MROH9: variants seen among roughly 807,000 people sequenced by gnomAD.
MROH9 encodes maestro heat-like repeat-containing protein family member 9.
MROH9 carries 92 observed loss-of-function variants against 98.2 expected under a neutral mutation model. The observed-to-expected ratio is 0.94, with a 90% confidence interval of 0.79 to 1.11. The LOEUF (loss-of-function observed/expected upper bound fraction) is 1.11, where lower values mean the gene tolerates loss of function less well. MROH9 is among the 50% of genes most tolerant of loss of function. MROH9 has a pLI of 0.00. For missense variants in MROH9, 1,057 were observed against 1,014.8 expected (o/e 1.04, Z -0.57); for synonymous variants, 397 against 368.9 (o/e 1.08, Z -0.87).
At chr1:171,026,227 A>C (rs1026105731) in intron 20 of MROH9, among the ~76,000 whole-genome samples, 3 of 150,392 alleles carry the variant, frequency 2.0e-5, no homozygotes, top group Non-Finnish European at 3.0e-5. Flanking sequence ...ACACACACAC[A>C]CCCTCACAAA....
At chr1:171,015,028 C>T (rs746505958) in intron 16 of MROH9, 13 of 471,694 alleles carry the variant, frequency 2.8e-5, no homozygotes, top group Non-Finnish European at 5.7e-5. Flanking sequence ...AATTTAAGCA[C>T]GTTCCATTTT....
At chr1:171,060,688 G>A (rs190548580) in intron 20 of MROH9, among the ~76,000 whole-genome samples, 1 of 152,094 alleles carries the variant, frequency 6.6e-6, no homozygotes, top group African/African-American at 2.4e-5. Context: ...AACTATACAG[G>A]TATATAAAAA....
chr1:171,031,020 C>T (rs1210709003), intron 20 of MROH9, among the ~76,000 whole-genome samples: 2 of 152,090 alleles, frequency 1.3e-5, no homozygotes, highest in East Asian at 1.9e-4. Context: ...TGAATTGTTC[C>T]CTTTTCCGTA....
chr1:171,046,535 T>C (rs987817432), intron 20 of MROH9, among the ~76,000 whole-genome samples: 2 of 152,164 alleles, frequency 1.3e-5, no homozygotes, highest in African/African-American at 2.4e-5. Flanking sequence ...TTAACAACAC[T>C]ATTTGCATAA....
At chr1:171,014,733 C>G (rs1406063013) in intron 16 of MROH9, among the ~76,000 whole-genome samples, 1 of 152,212 alleles carries the variant, frequency 6.6e-6, no homozygotes, top group Non-Finnish European at 1.5e-5. Context: ...CTCTCGCAGC[C>G]TCATCCCTCT....
At chr1:171,035,774 T>C (rs1025010230) in intron 20 of MROH9, among the ~76,000 whole-genome samples, 1 of 152,212 alleles carries the variant, frequency 6.6e-6, no homozygotes, top group African/African-American at 2.4e-5. Context: ...ATCTCAACTG[T>C]TGTCAAGGAT....
At chr1:170,988,070 G>A (rs1287776323) in intron 10 of MROH9, among the ~76,000 whole-genome samples, 1 of 152,172 alleles carries the variant, frequency 6.6e-6, no homozygotes, top group African/African-American at 2.4e-5. Flanking sequence ...TGTCCCATGG[G>A]ACTTGATTTA....
At chr1:171,051,056 C>A (rs1653649363) in intron 20 of MROH9, among the ~76,000 whole-genome samples, 1 of 151,982 alleles carries the variant, frequency 6.6e-6, no homozygotes, top group South Asian at 2.1e-4. Flanking sequence ...ATTTGATTTG[C>A]TAGTATTTTG....
chr1:170,945,723 G>A (rs566882156), intron 2 of MROH9, 142 bp downstream of exon 2: 26 of 643,750 alleles, frequency 4.0e-5, no homozygotes, highest in Admixed American at 1.8e-4. Context: ...CCTAATGCCC[G>A]TAGAACGTTC....
At chr1:171,009,890 C>T (rs1295000458) in intron 15 of MROH9, among the ~76,000 whole-genome samples, 1 of 152,196 alleles carries the variant, frequency 6.6e-6, no homozygotes, top group East Asian at 1.9e-4. Context: ...GTGGCTTCTA[C>T]TAGCCAACTT....
chr1:171,056,309 G>A lies in MROH9; in HGVS notation c.2282-5823G>A, dbSNP rs1920147. 9.4e-3 allele frequency among the ~76,000 whole-genome samples: 1,432 copies of A among 152,308 alleles called. 12 individuals are homozygous for A. The highest frequency in any genetic ancestry group is 0.014 in the Non-Finnish European group (976 of 68,024). ...CTGTGCTTTTCCCCTGCTGGAACCA[G>A]TAGGGCTGGACACCTTGGTCCCAAA... On this transcript the variant is annotated intron_variant, in intron 20 of 21. Transcript: ENST00000367759.
chr1:170,953,070 G>C (rs1212924643), intron 3 of MROH9, among the ~76,000 whole-genome samples: 1 of 151,942 alleles, frequency 6.6e-6, no homozygotes, highest in Non-Finnish European at 1.5e-5. Flanking sequence ...AATTTCTCTT[G>C]GCATTTTGAT....
chr1:171,010,300 T>G (rs1211208556), intron 15 of MROH9, among the ~76,000 whole-genome samples: 1 of 152,220 alleles, frequency 6.6e-6, no homozygotes, highest in Non-Finnish European at 1.5e-5. Context: ...TATTCCATGG[T>G]GTATATGTGC....
At chr1:170,959,829 T>A (rs1649946686) in intron 5 of MROH9, among the ~76,000 whole-genome samples, 1 of 152,212 alleles carries the variant, frequency 6.6e-6, no homozygotes, top group Non-Finnish European at 1.5e-5. Context: ...TATTTTTGGT[T>A]AATTGGTTTA....
intron 20 of MROH9, among the ~76,000 whole-genome samples, chr1:171,044,937 G>T (rs1268222317): frequency 1.4e-5 from 1 of 72,496 alleles, no homozygotes; most frequent in Admixed American, 1.4e-4. Flanking sequence ...TTGTATTGTT[G>T]TTTTCAGTTC....
intron 1 of MROH9, among the ~76,000 whole-genome samples, chr1:170,938,738 G>T (rs997234342): frequency 4.6e-5 from 7 of 152,246 alleles, no homozygotes; most frequent in African/African-American, 1.4e-4. Flanking sequence ...TCCAGGGTAA[G>T]TGTCTATTTC....
intron 20 of MROH9, among the ~76,000 whole-genome samples, chr1:171,057,973 A>G (rs181070781): frequency 6.6e-6 from 1 of 152,220 alleles, no homozygotes; most frequent in East Asian, 1.9e-4. Flanking sequence ...ATGGGGGGAA[A>G]AAAACACCAA....
chr1:170,987,458 G>A (rs1284853390), intron 10 of MROH9, among the ~76,000 whole-genome samples: 4 of 152,202 alleles, frequency 2.6e-5, no homozygotes, highest in Non-Finnish European at 5.9e-5. Context: ...GTCATTAAAT[G>A]TGTAAGCACA....
intron 3 of MROH9, among the ~76,000 whole-genome samples, chr1:170,954,827 T>C (rs192457054): frequency 2.9e-4 from 44 of 152,212 alleles, no homozygotes; most frequent in Non-Finnish European, 2.2e-4. Context: ...ATGCCTTTTT[T>C]CCCATAAGTT....
Sources: gnomAD v4.1 joint callset for allele counts (sites outside exome capture counted in the v4.1 genomes callset) on GRCh38, gnomAD v4.1.1 for gene constraint, MANE v1.5 for transcripts, NCBI Gene and HGNC (gene_info 2026-07-23, HGNC 2026-07-21) for gene names.